Variants in TLL1 observed in about 807,000 individuals in gnomAD.
The protein encoded by TLL1 is tolloid-like protein 1.
TLL1 carries 49 observed loss-of-function variants against 128.2 expected under a neutral mutation model. The observed-to-expected ratio is 0.38, with a 90% confidence interval of 0.30 to 0.48. TLL1 has a LOEUF of 0.48. Ranked by LOEUF, TLL1 falls within the 20% of genes least tolerant of loss-of-function variation. The pLI, the probability that TLL1 is intolerant of heterozygous loss-of-function variation, is 0.96. For synonymous variants in TLL1, 454 were observed against 418.8 expected (o/e 1.08, Z -1.03); for missense variants, 1,123 against 1,242.0 (o/e 0.90, Z 1.44).
intron 1 of TLL1, among the ~76,000 whole-genome samples, chr4:165,959,641 T>C (rs1734996133): frequency 6.6e-6 from 1 of 152,086 alleles, no homozygotes; most frequent in African/African-American, 2.4e-5. Flanking sequence ...ATATCTAGCA[T>C]ACTCTTGGAC....
At chr4:165,972,576 G>A (rs886325099) in intron 1 of TLL1, among the ~76,000 whole-genome samples, 4 of 152,060 alleles carry the variant, frequency 2.6e-5, no homozygotes, top group Admixed American at 1.3e-4. Flanking sequence ...TGTACACCCT[G>A]AATAATACTC....
chr4:165,972,309 T>C (rs184843974), intron 1 of TLL1, among the ~76,000 whole-genome samples: 3 of 152,344 alleles, frequency 2.0e-5, no homozygotes, highest in Non-Finnish European at 4.4e-5. Flanking sequence ...GTCCTTAAAA[T>C]GCCTGTATAT....
chr4:166,005,755 C>T (rs1025600232), intron 6 of TLL1, among the ~76,000 whole-genome samples: 30 of 151,568 alleles, frequency 2.0e-4, no homozygotes, highest in African/African-American at 6.3e-4. Context: ...CATTTAATTA[C>T]GTGGAAAAAA....
intron 1 of TLL1, among the ~76,000 whole-genome samples, chr4:165,950,447 T>C (rs1734459133): frequency 2.0e-5 from 3 of 152,050 alleles, no homozygotes; most frequent in Non-Finnish European, 2.9e-5. Flanking sequence ...TTATAGAACA[T>C]TTTACCCAAC....
chr4:166,103,740 T>G lies in TLL1; in HGVS notation c.*2864T>G, dbSNP rs1023787965. ...ATTGTTAATAATTGTTACTTACTGC[T>G]CCAGGCATTTTATTAAATTAATTTT... On this transcript the variant is annotated 3_prime_UTR_variant, in exon 21 of 21. Coordinates refer to ENST00000061240, the MANE Select transcript of TLL1 (RefSeq NM_012464.5). 1 of 151,690 alleles carries G rather than the reference T, an allele frequency of 6.6e-6. No homozygotes were observed. Among genetic ancestry groups the G allele is most frequent in the Non-Finnish European group, 1.5e-5 (1 of 67,832 alleles). 9.4% of individuals were successfully genotyped at this position (151,690 alleles called of 1,614,324 possible).
chr4:165,879,595 C>T (rs762517003), intron 1 of TLL1, among the ~76,000 whole-genome samples: 6 of 152,066 alleles, frequency 3.9e-5, no homozygotes, highest in Non-Finnish European at 8.8e-5. Context: ...TCTAATAGTT[C>T]CTTAGACCCA....
rs143282874 is a variant in TLL1 at position 165,922,036 on chromosome 4, G to C, written c.169+47963G>C. 3.2e-3 allele frequency among the ~76,000 whole-genome samples: 492 copies of C among 152,178 alleles called. 4 individuals are homozygous for C. Among genetic ancestry groups the C allele is most frequent in the African/African-American group, 0.012 (478 of 41,532 alleles). Reference sequence around the variant, plus strand: ...AGACTTGGATGAGAGAGAAAGAAAAGAAAACTGATTTTACCAGGATTGCTC... The same window carrying C: ...AGACTTGGATGAGAGAGAAAGAAAACAAAACTGATTTTACCAGGATTGCTC... On this transcript the variant is annotated intron_variant, in intron 1 of 20. Coordinates refer to ENST00000061240, the MANE Select transcript of TLL1 (RefSeq NM_012464.5).
intron 10 of TLL1, among the ~76,000 whole-genome samples, 169 bp from the exon 11 acceptor site, chr4:166,041,858 G>T (rs1191972459): frequency 3.9e-5 from 6 of 152,068 alleles, no homozygotes; most frequent in Admixed American, 3.9e-4. Flanking sequence ...ACATTGTTTT[G>T]TTTATCTACC....
chr4:165,875,308 A>T (rs1730676742), intron 1 of TLL1, among the ~76,000 whole-genome samples: 1 of 152,130 alleles, frequency 6.6e-6, no homozygotes, highest in Non-Finnish European at 1.5e-5. Flanking sequence ...GGTGTACACA[A>T]TGAAGAAAAA....
chr4:166,072,981 G>T (rs1304189881), intron 16 of TLL1, among the ~76,000 whole-genome samples: 1 of 152,032 alleles, frequency 6.6e-6, no homozygotes, highest in Non-Finnish European at 1.5e-5. Context: ...TTGACCCAGG[G>T]TACAACTGAG....
In TLL1 at chr4:165,891,522, C is replaced by G. The variant is rs184509463; in HGVS notation, c.169+17449C>G. Among the ~76,000 whole-genome samples, 365 of 152,250 alleles carry G rather than the reference C, an allele frequency of 2.4e-3. 3 individuals are homozygous for G. The highest frequency in any genetic ancestry group is 5.2e-3 in the South Asian group (25 of 4,826). ...TTAGAAATTTCTTCCATCAGATACCCTAAATCATTTCTCTGAGGTTCAAAG... is the reference window on the plus strand; with the variant it reads ...TTAGAAATTTCTTCCATCAGATACCGTAAATCATTTCTCTGAGGTTCAAAG... On this transcript the variant is annotated intron_variant, in intron 1 of 20. Transcript: ENST00000061240.
Position 165,950,600 on chromosome 4 carries a change from A to C in TLL1, c.170-38781A>C, listed in dbSNP as rs919765541. On this transcript the variant is annotated intron_variant, in intron 1 of 20. Coordinates refer to ENST00000061240, the MANE Select transcript of TLL1 (RefSeq NM_012464.5). ...AGGTAAAGTAGAAGTTGACAACAGA[A>C]GGATATGTTAAAAATCTCACATATT... Among the ~76,000 whole-genome samples, 4 of 152,122 alleles carry C rather than the reference A, an allele frequency of 2.6e-5. No homozygotes were observed. The East Asian group carries it at 7.7e-4, about 29-fold the overall frequency.
intron 1 of TLL1, among the ~76,000 whole-genome samples, chr4:165,889,650 CT>C (rs1240462583): frequency 6.6e-6 from 1 of 152,116 alleles, no homozygotes; most frequent in Non-Finnish European, 1.5e-5. Flanking sequence ...TAGGATTATG[CT>C]TTTCTTTGTC....
rs564245753 is a variant in TLL1, at chr4:165,986,296, T to C, written c.170-3085T>C. Among the ~76,000 whole-genome samples, 6 of 152,204 alleles carry C rather than the reference T, an allele frequency of 3.9e-5. 1 individual carries two copies. The highest frequency in any genetic ancestry group is 1.4e-4 in the African/African-American group (6 of 41,556). ...CCAACTTACTGTGCCAACGCATAAG[T>C]AAAATATTTTAGTACACAGAAATAG... On this transcript the variant is annotated intron_variant, in intron 1 of 20. Coordinates refer to ENST00000061240, the MANE Select transcript of TLL1 (RefSeq NM_012464.5).
intron 6 of TLL1, among the ~76,000 whole-genome samples, chr4:166,006,034 G>A (rs1322951195): frequency 6.6e-6 from 1 of 151,764 alleles, no homozygotes; most frequent in Non-Finnish European, 1.5e-5. Flanking sequence ...AAGTGCTCAT[G>A]TTGAAGATTA....
chr4:165,911,022 A>T (rs968271590), intron 1 of TLL1, among the ~76,000 whole-genome samples: 1 of 152,186 alleles, frequency 6.6e-6, no homozygotes, highest in Non-Finnish European at 1.5e-5. Flanking sequence ...AGCATTTATC[A>T]TTTCTATGTG....
At chr4:166,088,337 T>C (rs967912264) in intron 18 of TLL1, among the ~76,000 whole-genome samples, 2 of 152,182 alleles carry the variant, frequency 1.3e-5, no homozygotes, top group Admixed American at 6.6e-5. Flanking sequence ...TCACACCTTG[T>C]CATCATGAAC....
At chr4:165,919,733 T>A (rs1732958853) in intron 1 of TLL1, 1 of 442,934 alleles carries the variant, frequency 2.3e-6, no homozygotes, top group African/African-American at 2.0e-5. Flanking sequence ...TGTTGTAGTC[T>A]GAAATGGCAT....
intron 1 of TLL1, among the ~76,000 whole-genome samples, chr4:165,952,263 G>GA (rs1734561203): frequency 1.3e-5 from 2 of 152,080 alleles, no homozygotes; most frequent in Non-Finnish European, 2.9e-5. Context: ...ATAGTTCCTT[G>GA]TCCATATTGT....
Sources: gnomAD v4.1 joint callset for allele counts (sites outside exome capture counted in the v4.1 genomes callset) on GRCh38, gnomAD v4.1.1 for gene constraint, MANE v1.5 for transcripts, NCBI Gene and HGNC (gene_info 2026-07-23, HGNC 2026-07-21) for gene names.